CEP55: variants seen among roughly 807,000 people sequenced by gnomAD.
CEP55 encodes centrosomal protein of 55 kDa.
A neutral mutation model predicts 63.2 loss-of-function variants in CEP55; 57 were observed. The observed-to-expected ratio is 0.90, with a 90% CI of 0.73 to 1.13. CEP55 has a LOEUF of 1.13. Ranked by LOEUF, CEP55 falls within the 50% of genes most tolerant of loss-of-function variation. CEP55 has a pLI of 0.00. For missense variants in CEP55, 456 were observed against 518.9 expected (o/e 0.88, Z 1.18); for synonymous variants, 178 against 191.6 (o/e 0.93, Z 0.59).
chr10:93,501,284 A>G (rs1471285016), intron 2 of CEP55, among the ~76,000 whole-genome samples: 1 of 152,240 alleles, frequency 6.6e-6, no homozygotes, highest in Non-Finnish European at 1.5e-5. Context: ...GACAGTAAGG[A>G]AGTTAGGAAC....
In CEP55 at chr10:93,528,191, A is replaced by G. The variant is rs2057944490; in HGVS notation, c.*38A>G. On this transcript the variant is annotated 3_prime_UTR_variant, in exon 9 of 9. Transcript: ENST00000371485. ...TTGTTTTGATATTAAAAGATTCAAT[A>G]CTGTATTTTCTGTTAGCTTGTGGGC... 16 of 1,544,268 alleles carry G rather than the reference A, an allele frequency of 1.0e-5. No individual in the cohort carries two copies. Among genetic ancestry groups the G allele is most frequent in the Non-Finnish European group, 1.4e-5 (16 of 1,119,706 alleles).
Position 93,500,234 on chromosome 10 carries a change from G to C in CEP55, c.183G>C (p.Glu61Asp), listed in dbSNP as rs776728535. The change falls in exon 2 of 9, where the codon GAG becomes GAC. Residue 61 changes from glutamate to aspartate, a missense_variant and splice_region_variant. Glu to Asp is a conservative substitution (Grantham distance 45). Transcript: ENST00000371485. ...ATAAAGAGAGACACAGACTTTTGGA[G>C]GTAAATGGTCTTCTGATCCTTTAAA... The part of the protein sequence containing the change: ...LTDKERHRLL[E>D]KIRVLEAEKE... The C allele has an allele frequency of 2.5e-6, 4 of 1,604,962 alleles. No individual in the cohort carries two copies. Among genetic ancestry groups the C allele is most frequent in the Non-Finnish European group, 3.4e-6 (4 of 1,177,064 alleles).
chr10:93,528,384 G>T lies in CEP55; in HGVS notation c.*231G>T. On this transcript the variant is annotated 3_prime_UTR_variant, in exon 9 of 9. Transcript: ENST00000371485. ...CTGCAATGACAGAATGTGGTGAGCA[G>T]CGTCTACTGAGACTACTAACATTTT... The T allele has an allele frequency of 1.8e-6, 1 of 544,958 alleles. No homozygotes were observed. The allele number at this position is 544,958 out of a possible 1,614,324, so 33.8% of individuals were successfully genotyped here.
At chr10:93,527,847 C>T (rs2057939651) in intron 8 of CEP55, 103 bp from the exon 9 acceptor site, 2 of 971,504 alleles carry the variant, frequency 2.1e-6, no homozygotes, top group Non-Finnish European at 3.1e-6. Flanking sequence ...TGCCACTACA[C>T]TCTGGCCTGG....
chr10:93,525,465 T>C (rs2057912052), intron 8 of CEP55, among the ~76,000 whole-genome samples: 1 of 152,244 alleles, frequency 6.6e-6, no homozygotes, highest in Admixed American at 6.5e-5. Flanking sequence ...GAACATTCCA[T>C]GCTCATGGAT....
At chr10:93,515,666 C>A in intron 5 of CEP55, 111 bp downstream of exon 5, 1 of 1,097,602 alleles carries the variant, frequency 9.1e-7, no homozygotes, top group Non-Finnish European at 1.3e-6. Context: ...AAAATAAGAG[C>A]AAGTCTTATA....
chr10:93,515,224 A>G (rs989803087), intron 4 of CEP55, among the ~76,000 whole-genome samples, 181 bp from the exon 5 acceptor site: 19 of 152,224 alleles, frequency 1.2e-4, no homozygotes, highest in Admixed American at 2.6e-4. Flanking sequence ...TCCCACATAA[A>G]CTACGATGGT....
chr10:93,501,040 A>G (rs1303837824), intron 2 of CEP55, among the ~76,000 whole-genome samples: 1 of 152,224 alleles, frequency 6.6e-6, no homozygotes, highest in Non-Finnish European at 1.5e-5. Flanking sequence ...CAATAGTTAT[A>G]TAATCTGGTT....
At chr10:93,505,812 A>G (rs574917760) in intron 3 of CEP55, among the ~76,000 whole-genome samples, 1 of 152,004 alleles carries the variant, frequency 6.6e-6, no homozygotes, top group Non-Finnish European at 1.5e-5. Context: ...TTTGAGTTCC[A>G]TATAATCTAT....
intron 6 of CEP55, among the ~76,000 whole-genome samples, chr10:93,517,841 G>A (rs999783580): frequency 4.6e-5 from 7 of 152,330 alleles, no homozygotes; most frequent in Middle Eastern, 6.8e-3. Context: ...CTGGCATCAT[G>A]GAAGGAACAT....
intron 4 of CEP55, among the ~76,000 whole-genome samples, chr10:93,508,899 AC>A (rs759813180): frequency 1.3e-4 from 20 of 152,190 alleles, no homozygotes; most frequent in Non-Finnish European, 2.4e-4. Flanking sequence ...AATCTATTTA[AC>A]TTCTCTTGTT....
At position 93,517,062 on chromosome 10, in the gene CEP55, T is replaced by C; in HGVS notation, c.807T>C (p.Tyr269=). 1 of 1,614,028 alleles carries C rather than the reference T, an allele frequency of 6.2e-7. No homozygotes were observed. Among genetic ancestry groups the C allele is most frequent in the Non-Finnish European group, 8.5e-7 (1 of 1,179,990 alleles). Reference sequence around the variant, plus strand: ...AACTGAGTGAATTTCGAAGAAAATATGAAGAAACCCAAAAAGAAGTTCACA... The same window carrying C: ...AACTGAGTGAATTTCGAAGAAAATACGAAGAAACCCAAAAAGAAGTTCACA... ...SFELSEFRRK[Y]EETQKEVHNL... The change falls in exon 6 of 9, where the codon TAT becomes TAC. Residue 269 remains tyrosine (Y), a synonymous_variant. Coordinates refer to ENST00000371485, the MANE Select transcript of CEP55 (RefSeq NM_018131.5).
intron 8 of CEP55, chr10:93,520,426 CAAAAAAAAAA>C (rs10693521): frequency 8.8e-6 from 1 of 113,630 alleles, no homozygotes; most frequent in Non-Finnish European, 1.7e-5. Context: ...GACTCTGTCT[CAAAAAAAAAA>C]AAAAAAGAAA....
chr10:93,505,862 T>TTG (rs34150257), intron 3 of CEP55, among the ~76,000 whole-genome samples: 1,611 of 151,452 alleles, frequency 0.011, 28 homozygotes, highest in African/African-American at 0.037. Context: ...TTTTTTTTTT[T>TTG]AGATAGAATC....
intron 4 of CEP55, 43 bp from the exon 5 acceptor site, chr10:93,515,362 T>G (rs550899122): frequency 6.5e-7 from 1 of 1,550,120 alleles, no homozygotes; most frequent in South Asian, 1.2e-5. Flanking sequence ...TAAGATTTTG[T>G]TTTTTTATTT....
At chr10:93,524,129 C>CA (rs1272439672) in intron 8 of CEP55, among the ~76,000 whole-genome samples, 1 of 151,806 alleles carries the variant, frequency 6.6e-6, no homozygotes, top group East Asian at 1.9e-4. Context: ...AAAAAACTTT[C>CA]AAAAAATCAA....
chr10:93,518,154 CT>C (rs34537093), intron 6 of CEP55, among the ~76,000 whole-genome samples: 146,291 of 150,808 alleles, frequency 0.97, 71,126 homozygotes, highest in East Asian at 1. Context: ...TCTTTTTTTT[CT>C]TTTTTTTTTT....
intron 3 of CEP55, among the ~76,000 whole-genome samples, chr10:93,505,048 G>A (rs997369288): frequency 6.6e-6 from 1 of 152,132 alleles, no homozygotes; most frequent in Non-Finnish European, 1.5e-5. Flanking sequence ...CTTACCTCAG[G>A]TGATCCGCCT....
At chr10:93,518,298 C>T (rs1290035426) in intron 6 of CEP55, among the ~76,000 whole-genome samples, 1 of 151,978 alleles carries the variant, frequency 6.6e-6, no homozygotes, top group African/African-American at 2.4e-5. Flanking sequence ...TACAGGTGCC[C>T]ACCACCACGG....
Sources: allele counts gnomAD v4.1 joint callset (sites outside exome capture counted in the v4.1 genomes callset), GRCh38; gene constraint gnomAD v4.1.1; transcripts MANE v1.5; gene names NCBI Gene and HGNC (gene_info 2026-07-23, HGNC 2026-07-21).